PDE1A: variants seen among roughly 807,000 people sequenced by gnomAD.
PDE1A encodes the protein dual specificity calcium/calmodulin-dependent 3',5'-cyclic nucleotide phosphodiesterase 1A.
PDE1A carries 35 observed loss-of-function variants against 61.7 expected under a neutral mutation model. That is an observed-to-expected ratio of 0.57 (90% CI 0.43 to 0.75). The LOEUF is 0.75. Among genes scored for constraint, PDE1A ranks in the 30% least tolerant of loss-of-function variants. The pLI is 0.00. For synonymous variants in PDE1A, 232 were observed against 213.2 expected, an observed-to-expected ratio of 1.09 and a Z score of -0.77; for missense variants, 597 against 630.6, an observed-to-expected ratio of 0.95 and a Z score of 0.57.
At chr2:182,609,532 A>G in the PDE1A span, among the ~76,000 whole-genome samples, 1 of 152,244 alleles carries the variant, frequency 6.6e-6, no homozygotes, top group African/African-American at 2.4e-5. Context: ...CAAGACCACG[A>G]ACCCACCAGG....
downstream of PDE1A, among the ~76,000 whole-genome samples, chr2:182,165,750 A>C (rs951199748): frequency 1.1e-4 from 17 of 152,212 alleles, no homozygotes; most frequent in African/African-American, 3.9e-4. Flanking sequence ...CCATGTGGCC[A>C]GATACAGAAA....
At chr2:182,171,872 C>G (rs1273748432) in intron 13 of PDE1A, among the ~76,000 whole-genome samples, 1 of 151,792 alleles carries the variant, frequency 6.6e-6, no homozygotes. Context: ...CAACATCCAA[C>G]CCAATACTCC....
At chr2:182,404,957 TTTA>T in intron 1 of PDE1A, among the ~76,000 whole-genome samples, 1 of 152,358 alleles carries the variant, frequency 6.6e-6, no homozygotes, top group Non-Finnish European at 1.5e-5. Flanking sequence ...AACATAGTTA[TTTA>T]TTTTCAAGTA....
chr2:182,655,397 C>T, the PDE1A span, among the ~76,000 whole-genome samples: 113 of 152,224 alleles, frequency 7.4e-4, 1 homozygote, highest in African/African-American at 2.7e-3. Flanking sequence ...GAAGGTGAAC[C>T]CAAGTCAATA....
intron 2 of PDE1A, among the ~76,000 whole-genome samples, chr2:182,503,119 C>T (rs948955617): frequency 1.3e-5 from 2 of 150,656 alleles, no homozygotes; most frequent in Non-Finnish European, 3.0e-5. Context: ...CATCCTTTAA[C>T]CCCATATCCA....
the PDE1A span, among the ~76,000 whole-genome samples, chr2:182,545,479 T>C: frequency 6.6e-6 from 1 of 152,252 alleles, no homozygotes; most frequent in Admixed American, 6.5e-5. Flanking sequence ...ATTTGAAATA[T>C]CCAGAGTGGT....
intron 2 of PDE1A, among the ~76,000 whole-genome samples, chr2:182,246,860 C>A (rs1420641849): frequency 1.3e-5 from 2 of 152,192 alleles, no homozygotes; most frequent in Non-Finnish European, 2.9e-5. Context: ...TTGTACACTG[C>A]TGTATCATCA....
At chr2:182,688,482 A>G in the PDE1A span, among the ~76,000 whole-genome samples, 2 of 152,244 alleles carry the variant, frequency 1.3e-5, no homozygotes, top group Non-Finnish European at 2.9e-5. Flanking sequence ...AAATGCCGAG[A>G]GATTTTGTCA....
chr2:182,168,658 A>T (rs1365276551), intron 13 of PDE1A, among the ~76,000 whole-genome samples: 1 of 152,106 alleles, frequency 6.6e-6, no homozygotes, highest in Non-Finnish European at 1.5e-5. Flanking sequence ...GAAACCTATT[A>T]ATATTGTCTG....
At chr2:182,223,183 C>CA (rs1339880623) in intron 7 of PDE1A, among the ~76,000 whole-genome samples, 1 of 151,824 alleles carries the variant, frequency 6.6e-6, no homozygotes, top group Non-Finnish European at 1.5e-5. Context: ...GAAGACACAG[C>CA]AAAAAGGGTG....
At chr2:182,666,188 C>T in the PDE1A span, among the ~76,000 whole-genome samples, 2 of 152,038 alleles carry the variant, frequency 1.3e-5, no homozygotes, top group Non-Finnish European at 2.9e-5. Context: ...ACCTGCACAT[C>T]CTGCACATGT....
chr2:182,204,386 A>T (rs540055485), intron 8 of PDE1A, among the ~76,000 whole-genome samples: 1 of 152,166 alleles, frequency 6.6e-6, no homozygotes, highest in Non-Finnish European at 1.5e-5. Flanking sequence ...TGCAGAATAC[A>T]GTTAACCCTT....
At chr2:182,162,031 G>A (rs1278897834) in intron 13 of PDE1A, among the ~76,000 whole-genome samples, 1 of 152,070 alleles carries the variant, frequency 6.6e-6, no homozygotes, top group East Asian at 1.9e-4. Context: ...ATGATACAGT[G>A]GACTTGTCAC....
chr2:182,312,860 T>C (rs1696081220), intron 1 of PDE1A, among the ~76,000 whole-genome samples: 1 of 151,576 alleles, frequency 6.6e-6, no homozygotes, highest in South Asian at 2.1e-4. Flanking sequence ...GGATTATGAC[T>C]GGGGTTATAT....
At chr2:182,217,463 C>T (rs1688292568) in intron 7 of PDE1A, among the ~76,000 whole-genome samples, 1 of 120,392 alleles carries the variant, frequency 8.3e-6, no homozygotes, top group Admixed American at 8.9e-5. Flanking sequence ...AAAGAAACTA[C>T]CATCAGAGTG....
intron 2 of PDE1A, among the ~76,000 whole-genome samples, chr2:182,521,706 A>G (rs1026756279): frequency 6.6e-6 from 1 of 152,130 alleles, no homozygotes; most frequent in Non-Finnish European, 1.5e-5. Flanking sequence ...TACTCTCAGG[A>G]GAAGTGAACT....
chr2:182,606,400 G>T, the PDE1A span, among the ~76,000 whole-genome samples: 1 of 152,094 alleles, frequency 6.6e-6, no homozygotes, highest in African/African-American at 2.4e-5. Context: ...GGCTGTTCTC[G>T]AACTCCTGAC....
intron 1 of PDE1A, among the ~76,000 whole-genome samples, chr2:182,302,215 C>CT (rs1219758104): frequency 6.6e-6 from 1 of 152,180 alleles, no homozygotes; most frequent in Non-Finnish European, 1.5e-5. Context: ...CTTTATCTGA[C>CT]TTTTTTCTCT....
At chr2:182,580,816 C>T in the PDE1A span, among the ~76,000 whole-genome samples, 2 of 152,066 alleles carry the variant, frequency 1.3e-5, no homozygotes, top group African/African-American at 4.8e-5. Flanking sequence ...CAACAATGGC[C>T]TTAGTCATAT....
Sources: allele counts gnomAD v4.1 joint callset (sites outside exome capture counted in the v4.1 genomes callset), GRCh38; gene constraint gnomAD v4.1.1; transcripts MANE v1.5; gene names NCBI Gene and HGNC (gene_info 2026-07-23, HGNC 2026-07-21).